GLIS3: variants seen among roughly 807,000 people sequenced by gnomAD.
GLIS3 encodes zinc finger protein GLIS3.
Under a neutral mutation model 78.6 loss-of-function variants are expected in GLIS3, and 53 were observed. That is an observed-to-expected ratio of 0.67 (90% confidence interval 0.54 to 0.85). The LOEUF is 0.85. GLIS3 is among the 40% of genes least tolerant of loss of function. The pLI is 0.00. For synonymous variants in GLIS3, 684 were observed against 509.9 expected (o/e 1.34, Z -4.60); for missense variants, 1,703 against 1,231.1 (o/e 1.38, Z -5.74).
At chr9:3,985,675 T>A (rs1819684462) in intron 4 of GLIS3, among the ~76,000 whole-genome samples, 1 of 152,220 alleles carries the variant, frequency 6.6e-6, no homozygotes, top group Non-Finnish European at 1.5e-5. Flanking sequence ...TAGGAAGAGA[T>A]GTTTCAAGTA....
chr9:4,487,719 G>A, the GLIS3 span, among the ~76,000 whole-genome samples: 150 of 150,380 alleles, frequency 1.0e-3, 1 homozygote, highest in African/African-American at 3.5e-3. Context: ...ATAGAGTCTC[G>A]CTCTGTCACC....
chr9:4,412,166 CAAG>C, the GLIS3 span, among the ~76,000 whole-genome samples: 2 of 152,180 alleles, frequency 1.3e-5, no homozygotes, highest in African/African-American at 4.8e-5. Context: ...GGCACTCTTC[CAAG>C]AAGGCATACC....
At chr9:4,197,633 C>G (rs957058359) in intron 2 of GLIS3, among the ~76,000 whole-genome samples, 3 of 152,326 alleles carry the variant, frequency 2.0e-5, no homozygotes, top group East Asian at 1.9e-4. Context: ...CAGTCCTGCC[C>G]TGCCCATCTT....
chr9:3,923,587 T>TC (rs1372197582), intron 6 of GLIS3, among the ~76,000 whole-genome samples: 2 of 151,328 alleles, frequency 1.3e-5, no homozygotes, highest in Non-Finnish European at 2.9e-5. Flanking sequence ...AAAGGTGTTT[T>TC]TTTTTTCTCT....
At chr9:4,190,638 T>C (rs1818247661) in intron 2 of GLIS3, among the ~76,000 whole-genome samples, 1 of 151,720 alleles carries the variant, frequency 6.6e-6, no homozygotes, top group African/African-American at 2.4e-5. Context: ...ACTTCCCCAA[T>C]CTAGCAAGGC....
intron 4 of GLIS3, among the ~76,000 whole-genome samples, chr9:4,051,942 G>A (rs181554912): frequency 3.9e-5 from 6 of 152,292 alleles, no homozygotes; most frequent in East Asian, 3.9e-4. Flanking sequence ...TGTATCATGC[G>A]TATATACAGG....
upstream of GLIS3, among the ~76,000 whole-genome samples, chr9:4,350,261 G>A (rs1817952198): frequency 1.3e-5 from 2 of 152,200 alleles, no homozygotes; most frequent in African/African-American, 4.8e-5. Flanking sequence ...ACCTTGGAGA[G>A]CAAAGAGGGA....
intron 4 of GLIS3, among the ~76,000 whole-genome samples, chr9:4,048,225 A>T (rs1383733268): frequency 3.3e-5 from 5 of 152,218 alleles, no homozygotes; most frequent in Non-Finnish European, 5.9e-5. Context: ...ACATAATGCA[A>T]CATTTAAATG....
the GLIS3 span, among the ~76,000 whole-genome samples, chr9:4,408,501 G>T: frequency 1.3e-5 from 2 of 151,874 alleles, no homozygotes; most frequent in East Asian, 3.9e-4. Context: ...GGCTGAGGCG[G>T]GCGGATCACA....
At chr9:4,249,523 G>A (rs978105804) in intron 2 of GLIS3, among the ~76,000 whole-genome samples, 1 of 152,216 alleles carries the variant, frequency 6.6e-6, no homozygotes, top group African/African-American at 2.4e-5. Flanking sequence ...TTGGGGCTGA[G>A]ACAATGGGGT....
intron 4 of GLIS3, among the ~76,000 whole-genome samples, chr9:4,033,752 G>A (rs1431754384): frequency 2.0e-5 from 3 of 149,378 alleles, no homozygotes; most frequent in African/African-American, 4.9e-5. Context: ...TGTATACAGA[G>A]ACTACTAACT....
intron 2 of GLIS3, among the ~76,000 whole-genome samples, chr9:4,151,717 T>C (rs1232464713): frequency 6.6e-6 from 1 of 152,190 alleles, no homozygotes; most frequent in African/African-American, 2.4e-5. Context: ...TCCTAAACAA[T>C]GAAAGCGCTC....
chr9:4,345,924 T>A (rs899033176), intron 2 of GLIS3, among the ~76,000 whole-genome samples: 1 of 151,978 alleles, frequency 6.6e-6, no homozygotes, highest in Non-Finnish European at 1.5e-5. Context: ...TTGATAAAAA[T>A]GAAATTAAAT....
rs909967106 is a variant in GLIS3, at chr9:3,856,048, T to C, written c.2434A>G (p.Thr812Ala). Residue 812 changes from threonine (T) to alanine (A), a missense_variant, in exon 9 of 11, where the codon ACA (threonine) becomes GCA (alanine). By Grantham distance (58) the Thr-to-Ala change is moderately conservative (BLOSUM62 0). Coordinates refer to ENST00000381971, the MANE Select transcript of GLIS3 (RefSeq NM_001042413.2). ...GSHLKSYQPE[T>A]NSSFQPNGIH... ...CCATTTGGTTGAAAAGAAGAGTTTG[T>C]TTCTGGCTGATAGGACTTCAGGTGT... The C allele has an allele frequency of 1.2e-5, 19 of 1,614,066 alleles. No individual in the cohort carries two copies. The highest frequency in any genetic ancestry group is 1.6e-4 in the Middle Eastern group (1 of 6,084).
intron 6 of GLIS3, among the ~76,000 whole-genome samples, chr9:3,927,417 A>G (rs1825329063): frequency 6.6e-6 from 1 of 152,210 alleles, no homozygotes; most frequent in Non-Finnish European, 1.5e-5. Flanking sequence ...CAAGAAAGAA[A>G]CCCTTGGGTA....
chr9:4,123,796 G>C (rs1832366552), intron 3 of GLIS3: 1 of 398,126 alleles, frequency 2.5e-6, no homozygotes, highest in Admixed American at 4.4e-5. Flanking sequence ...ACAGAATTCA[G>C]GATGACTGTC....
chr9:4,051,899 G>A (rs1184482012), intron 4 of GLIS3, among the ~76,000 whole-genome samples: 1 of 152,124 alleles, frequency 6.6e-6, no homozygotes, highest in African/African-American at 2.4e-5. Flanking sequence ...AGGTACTAAC[G>A]TTTATAGATG....
At chr9:4,139,863 T>G (rs2130980403) in intron 2 of GLIS3, among the ~76,000 whole-genome samples, 1 of 152,308 alleles carries the variant, frequency 6.6e-6, no homozygotes, top group South Asian at 2.1e-4. Context: ...TAATGCCCAC[T>G]GCTCACCTGC....
chr9:3,936,047 G>T (rs1225765065), intron 5 of GLIS3, among the ~76,000 whole-genome samples: 2 of 152,182 alleles, frequency 1.3e-5, no homozygotes, highest in East Asian at 1.9e-4. Context: ...GTATGAGAAG[G>T]TGTGTAGAAA....
Sources: allele counts gnomAD v4.1 joint callset (sites outside exome capture counted in the v4.1 genomes callset), GRCh38; gene constraint gnomAD v4.1.1; transcripts MANE v1.5; gene names NCBI Gene and HGNC (gene_info 2026-07-23, HGNC 2026-07-21).